The following DNAJC1 variants were observed in gnomAD, a reference collection of about 807,000 sequenced individuals.
The protein encoded by DNAJC1 is DnaJ heat shock protein family (Hsp40) member C1.
DNAJC1 carries 58 observed loss-of-function variants against 76.6 expected under a neutral mutation model. That is an observed-to-expected ratio of 0.76 (90% CI 0.61 to 0.94). The LOEUF (loss-of-function observed/expected upper bound fraction) is 0.94, where lower values mean the gene tolerates loss of function less well. DNAJC1 is among the 40% of genes least tolerant of loss of function. The pLI is 0.00. For missense variants in DNAJC1, 689 were observed against 677.3 expected (o/e 1.02, Z -0.19); for synonymous variants, 258 against 267.9 (o/e 0.96, Z 0.36).
intron 7 of DNAJC1, among the ~76,000 whole-genome samples, chr10:21,884,483 C>T (rs116406597): frequency 0.029 from 4,354 of 152,246 alleles, 129 homozygotes; most frequent in African/African-American, 0.067. Flanking sequence ...TAGAGCCTTT[C>T]TGGAAAGCAG....
rs1234794664 is a variant in DNAJC1 at position 21,816,646 on chromosome 10, C to T, written c.979-10547G>A. Among the ~76,000 whole-genome samples, 3 of 150,216 alleles carry T rather than the reference C, an allele frequency of 2.0e-5. No individual in the cohort carries two copies. In the East Asian group the frequency reaches 6.2e-4, roughly 31 times the overall value. Reference sequence around the variant, plus strand: ...CTGAAAGCTCCGCCTCCCGGGTTCACGCCATTCTCCTGCCTCAGGCTCCCG... The same window carrying T: ...CTGAAAGCTCCGCCTCCCGGGTTCATGCCATTCTCCTGCCTCAGGCTCCCG... On this transcript the variant is annotated intron_variant, in intron 8 of 11. Transcript: ENST00000376980.
chr10:21,900,125 C>A (rs1326391944), intron 7 of DNAJC1, among the ~76,000 whole-genome samples: 1 of 152,032 alleles, frequency 6.6e-6, no homozygotes, highest in Non-Finnish European at 1.5e-5. Context: ...GGTGGATCAC[C>A]TGAGGTCAGG....
At chr10:21,907,914 G>A (rs1836773370) in intron 6 of DNAJC1, among the ~76,000 whole-genome samples, 1 of 146,526 alleles carries the variant, frequency 6.8e-6, no homozygotes, top group Admixed American at 7.2e-5. Context: ...GGAGGTGGAG[G>A]TTGCAGTGAG....
At chr10:21,837,500 G>A (rs1402798822) in intron 8 of DNAJC1, among the ~76,000 whole-genome samples, 4 of 151,948 alleles carry the variant, frequency 2.6e-5, no homozygotes, top group Non-Finnish European at 5.9e-5. Flanking sequence ...CGTCTGAGAT[G>A]TGGGGAGCGC....
At chr10:21,880,161 A>G (rs965891746) in intron 8 of DNAJC1, among the ~76,000 whole-genome samples, 5 of 152,206 alleles carry the variant, frequency 3.3e-5, no homozygotes, top group African/African-American at 1.2e-4. Context: ...GGATTGCAGC[A>G]ATTCAGTCAC....
intron 1 of DNAJC1, among the ~76,000 whole-genome samples, chr10:21,973,579 T>C (rs991599092): frequency 1.3e-5 from 2 of 152,148 alleles, no homozygotes; most frequent in African/African-American, 4.8e-5. Context: ...ATGAGCTGTA[T>C]CAGTATTCCT....
chr10:21,949,773 A>G (rs148174069), intron 1 of DNAJC1, among the ~76,000 whole-genome samples: 1 of 151,894 alleles, frequency 6.6e-6, no homozygotes, highest in Admixed American at 6.6e-5. Flanking sequence ...AAACCTTTGG[A>G]GTTAACTTGG....
At chr10:21,997,287 C>A (rs950144192) in intron 1 of DNAJC1, among the ~76,000 whole-genome samples, 2 of 152,172 alleles carry the variant, frequency 1.3e-5, no homozygotes, top group Non-Finnish European at 2.9e-5. Flanking sequence ...AGGAGTCGGG[C>A]AGACAAGAGA....
At chr10:21,824,536 A>G (rs539482482) in intron 8 of DNAJC1, among the ~76,000 whole-genome samples, 1 of 152,278 alleles carries the variant, frequency 6.6e-6, no homozygotes, top group African/African-American at 2.4e-5. Context: ...AAATAACAGT[A>G]TTTAACAAAT....
chr10:21,924,411 A>G (rs1167776543), intron 3 of DNAJC1, among the ~76,000 whole-genome samples: 1 of 152,194 alleles, frequency 6.6e-6, no homozygotes, highest in Non-Finnish European at 1.5e-5. Flanking sequence ...CAGACAAAAA[A>G]TTTTAAAGTT....
At chr10:21,947,136 A>G (rs886372398) in intron 1 of DNAJC1, among the ~76,000 whole-genome samples, 12 of 152,196 alleles carry the variant, frequency 7.9e-5, no homozygotes, top group Non-Finnish European at 1.8e-4. Flanking sequence ...TTTCATGTGC[A>G]TGATGTCATG....
intron 1 of DNAJC1, among the ~76,000 whole-genome samples, chr10:21,939,630 T>C (rs376243176): frequency 2.6e-5 from 4 of 152,170 alleles, no homozygotes; most frequent in Non-Finnish European, 5.9e-5. Context: ...CTAGGATCAA[T>C]AGTCTATACC....
chr10:21,965,257 G>C (rs1376872610), intron 1 of DNAJC1, among the ~76,000 whole-genome samples: 1 of 152,068 alleles, frequency 6.6e-6, no homozygotes, highest in Non-Finnish European at 1.5e-5. Flanking sequence ...CTAATCTGCT[G>C]TCTAGTCTAT....
chr10:21,803,092 A>G (rs1323770323), intron 9 of DNAJC1, among the ~76,000 whole-genome samples: 3 of 152,166 alleles, frequency 2.0e-5, no homozygotes, highest in Non-Finnish European at 4.4e-5. Context: ...AATTATGACA[A>G]TTAATATACT....
intron 8 of DNAJC1, among the ~76,000 whole-genome samples, chr10:21,825,665 A>C (rs922446743): frequency 6.6e-6 from 1 of 152,146 alleles, no homozygotes; most frequent in Admixed American, 6.5e-5. Context: ...TGAGGATTCA[A>C]TTTTCTCCAT....
chr10:21,958,995 C>T (rs1407360707), intron 1 of DNAJC1, among the ~76,000 whole-genome samples: 2 of 152,244 alleles, frequency 1.3e-5, no homozygotes, highest in African/African-American at 2.4e-5. Flanking sequence ...ACAATCTTTA[C>T]TCTCAACAGC....
chr10:21,761,641 G>T (rs7910002), intron 10 of DNAJC1, among the ~76,000 whole-genome samples: 1 of 151,898 alleles, frequency 6.6e-6, no homozygotes, highest in African/African-American at 2.4e-5. Context: ...CTGCATTCCT[G>T]GTCTGCTCTG....
At chr10:21,988,437 A>G (rs2131844558) in intron 1 of DNAJC1, among the ~76,000 whole-genome samples, 1 of 152,228 alleles carries the variant, frequency 6.6e-6, no homozygotes, top group African/African-American at 2.4e-5. Context: ...ACTAAATCCT[A>G]CGATTCCAAA....
At chr10:21,999,599 C>T (rs1838483894) in intron 1 of DNAJC1, among the ~76,000 whole-genome samples, 1 of 152,004 alleles carries the variant, frequency 6.6e-6, no homozygotes, top group African/African-American at 2.4e-5. Flanking sequence ...GGATTCCAGG[C>T]GCCTGCCACC....
Sources: gnomAD v4.1 joint callset for allele counts (sites outside exome capture counted in the v4.1 genomes callset) on GRCh38, gnomAD v4.1.1 for gene constraint, MANE v1.5 for transcripts, NCBI Gene and HGNC (gene_info 2026-07-23, HGNC 2026-07-21) for gene names.